Variants in CDK5RAP2 observed in about 807,000 individuals in gnomAD.
The protein encoded by CDK5RAP2 is CDK5 regulatory subunit associated protein 2.
CDK5RAP2 carries 147 observed loss-of-function variants against 232.9 expected under a neutral mutation model. The observed-to-expected ratio is 0.63, with a 90% CI of 0.55 to 0.72. The LOEUF (loss-of-function observed/expected upper bound fraction) is 0.72. Ranked by LOEUF, CDK5RAP2 falls within the 30% of genes least tolerant of loss-of-function variation. CDK5RAP2 has a pLI of 0.00. For synonymous variants in CDK5RAP2, 833 were observed against 833.7 expected, an observed-to-expected ratio of 1.00 and a Z score of 0.01; for missense variants, 2,195 against 2,231.5, an observed-to-expected ratio of 0.98 and a Z score of 0.33.
rs779130160 is a variant in CDK5RAP2 at position 120,467,874 on chromosome 9, T to C, written c.2092A>G (p.Thr698Ala). ...GNGFPDRLAS[T>A]EQTELLASKE... ...ATGTTTCTTACCTCTGTTTGTTCTG[T>C]AGACGCAAGTCTATCTGGAAACCCA... Residue 698 changes from threonine to alanine, a missense_variant, in exon 18 of 38, where the codon ACA becomes GCA. Transcript: ENST00000349780. 1 of 1,614,176 alleles carries C rather than the reference T, an allele frequency of 6.2e-7. No individual in the cohort carries two copies.
intron 32 of CDK5RAP2, among the ~76,000 whole-genome samples, chr9:120,405,818 T>C (rs901893524): frequency 1.3e-5 from 2 of 152,214 alleles, no homozygotes; most frequent in African/African-American, 4.8e-5. Context: ...TGACTGAGAA[T>C]AGCCTGCAAA....
At chr9:120,390,129 G>A in intron 36 of CDK5RAP2, 1 of 303,758 alleles carries the variant, frequency 3.3e-6, no homozygotes, top group Admixed American at 3.9e-5. Flanking sequence ...ACTTCTGTGG[G>A]CCAGGGAGGG....
At chr9:120,469,614 A>G (rs572576089) in intron 17 of CDK5RAP2, among the ~76,000 whole-genome samples, 1 of 152,346 alleles carries the variant, frequency 6.6e-6, no homozygotes, top group South Asian at 2.1e-4. Context: ...CCAGTTTAAA[A>G]AAAGATTTAT....
At chr9:120,567,501 A>T (rs1475996905) in intron 3 of CDK5RAP2, among the ~76,000 whole-genome samples, 3 of 152,204 alleles carry the variant, frequency 2.0e-5, no homozygotes, top group Non-Finnish European at 4.4e-5. Flanking sequence ...AGAAGGGTCT[A>T]ATTCTTCCCA....
intron 5 of CDK5RAP2, among the ~76,000 whole-genome samples, chr9:120,544,563 G>C (rs2041763501): frequency 6.6e-6 from 1 of 152,230 alleles, no homozygotes; most frequent in Non-Finnish European, 1.5e-5. Flanking sequence ...TGGCAATGAA[G>C]GGAATTATAC....
At position 120,403,280 on chromosome 9, in the gene CDK5RAP2, T is replaced by C; in HGVS notation, c.5042-209A>G. The C allele has an allele frequency of 1.8e-6, 1 of 569,030 alleles. No individual in the cohort carries two copies. Among genetic ancestry groups the C allele is most frequent in the Non-Finnish European group, 3.1e-6 (1 of 317,760 alleles). The allele number at this position is 569,030 out of a possible 1,614,324, so 35.2% of individuals were successfully genotyped here. ...TTATGAGTCATCTTGTAGGAGAGGC[T>C]CAAGTCAACTCAACCAACACTTATC... On this transcript the variant is annotated intron_variant, in intron 33 of 37. Transcript: ENST00000349780. This position sits in a 1 kb window ranked among gnomAD's most constrained non-coding sequence, Gnocchi z 4.2.
intron 3 of CDK5RAP2, among the ~76,000 whole-genome samples, chr9:120,560,455 T>C (rs192837993): frequency 2.7e-4 from 41 of 152,336 alleles, no homozygotes; most frequent in Admixed American, 1.2e-3. Context: ...TGACCAGGAA[T>C]GGTCTGTGCT....
chr9:120,523,825 T>C (rs1341868488), intron 11 of CDK5RAP2, among the ~76,000 whole-genome samples: 2 of 152,050 alleles, frequency 1.3e-5, no homozygotes, highest in South Asian at 2.1e-4. Context: ...ATAAGAAACA[T>C]GTTAAAATAA....
intron 25 of CDK5RAP2, among the ~76,000 whole-genome samples, chr9:120,429,508 A>C (rs947180984): frequency 1.2e-3 from 181 of 152,354 alleles, no homozygotes; most frequent in African/African-American, 4.3e-3. Flanking sequence ...TCCCATTCAC[A>C]ACTGCTTCAA....
chr9:120,568,190 T>C (rs1175403402), intron 3 of CDK5RAP2, 131 bp downstream of exon 3: 2 of 773,806 alleles, frequency 2.6e-6, no homozygotes, highest in South Asian at 1.4e-5. Flanking sequence ...AAGATGTCCA[T>C]GAGACATGGC....
At chr9:120,399,745 T>C (rs1554727010) in intron 35 of CDK5RAP2, among the ~76,000 whole-genome samples, 1 of 152,194 alleles carries the variant, frequency 6.6e-6, no homozygotes, top group Non-Finnish European at 1.5e-5. Flanking sequence ...TCCCACCTGA[T>C]ACTGCCACCA....
chr9:120,448,003 C>CCTGCAGCTCCAAGATCTGGCT lies in CDK5RAP2; in HGVS notation c.2896_2916dup (p.Ser966_Gln972dup). 1 of 1,614,142 alleles carries CCTGCAGCTCCAAGATCTGGCT rather than the reference C, an allele frequency of 6.2e-7. No homozygotes were observed. Among genetic ancestry groups the CCTGCAGCTCCAAGATCTGGCT allele is most frequent in the Non-Finnish European group, 8.5e-7 (1 of 1,179,996 alleles). Reference sequence around the variant, plus strand: ...CAAGTTTTAAACTCCTTCAGCTCCCCCTGCAGCTCCAAGATCTGGCTCTGC... The same window carrying CCTGCAGCTCCAAGATCTGGCT: ...CAAGTTTTAAACTCCTTCAGCTCCCCCTGCAGCTCCAAGATCTGGCTCTGCAGCTCCAAGATCTGGCTCTGC... On this transcript the variant is annotated inframe_insertion, in exon 22 of 38. Coordinates refer to ENST00000349780, the MANE Select transcript of CDK5RAP2 (RefSeq NM_018249.6).
intron 32 of CDK5RAP2, among the ~76,000 whole-genome samples, chr9:120,405,846 A>G (rs774419709): frequency 1.3e-5 from 2 of 152,252 alleles, no homozygotes; most frequent in Non-Finnish European, 2.9e-5. Context: ...TAGGAAGCCC[A>G]TGTGAAAGCA....
In CDK5RAP2 at chr9:120,415,048, A is replaced by C. The variant is rs1303633236; in HGVS notation, c.4289T>G (p.Phe1430Cys). Residue 1430 changes from phenylalanine to cysteine, a missense_variant, in exon 28 of 38, where the codon TTT becomes TGT. Phe to Cys is a radical substitution (Grantham distance 205, BLOSUM62 -2). Transcript: ENST00000349780. ...RKQLERQGSE[F>C]VQGSTSIFAS... ...GGAAGGTCTTTCCTTACCTTGAACAAATTCAGATCCTTGCCGTTCCAACTG... is the reference window on the plus strand; with the variant it reads ...GGAAGGTCTTTCCTTACCTTGAACACATTCAGATCCTTGCCGTTCCAACTG... 1.2e-6 allele frequency: 2 copies of C among 1,614,074 alleles called. No homozygotes were observed. The highest frequency in any genetic ancestry group is 4.5e-5 in the East Asian group (2 of 44,898).
Position 120,536,359 on chromosome 9 carries a change from A to T in CDK5RAP2, c.662+13T>A, listed in dbSNP as rs760541711. On this transcript the variant is annotated intron_variant, in intron 7 of 37. Coordinates refer to ENST00000349780, the MANE Select transcript of CDK5RAP2 (RefSeq NM_018249.6). ...AATGTGATGTCAGGGTATGACAGGGACAAGAGCCAGACCTGTCTTTCTCAT... is the reference window on the plus strand; with the variant it reads ...AATGTGATGTCAGGGTATGACAGGGTCAAGAGCCAGACCTGTCTTTCTCAT... 6.2e-7 allele frequency: 1 copy of T among 1,613,816 alleles called. No individual in the cohort carries two copies.
rs145274274 is a variant in CDK5RAP2 at position 120,545,502 on chromosome 9, A to G, written c.383+212T>C. 2.1e-3 allele frequency among the ~76,000 whole-genome samples: 314 copies of G among 152,336 alleles called. 2 individuals carry two copies. The highest frequency in any genetic ancestry group is 7.4e-3 in the African/African-American group (306 of 41,572). ...CAGGTGTGTTTGCTTGTGAACATTCACGCTGTACACTTAAGATCTGTTCAT... is the reference window on the plus strand; with the variant it reads ...CAGGTGTGTTTGCTTGTGAACATTCGCGCTGTACACTTAAGATCTGTTCAT... On this transcript the variant is annotated intron_variant, in intron 5 of 37. Coordinates refer to ENST00000349780, the MANE Select transcript of CDK5RAP2 (RefSeq NM_018249.6).
At chr9:120,436,712 C>T (rs772182582) in intron 25 of CDK5RAP2, among the ~76,000 whole-genome samples, 2 of 152,070 alleles carry the variant, frequency 1.3e-5, no homozygotes, top group African/African-American at 2.4e-5. Context: ...GTGGCAAATG[C>T]TAACAACTGA....
intron 36 of CDK5RAP2, chr9:120,390,410 T>C (rs1644986501): frequency 6.4e-6 from 1 of 155,190 alleles, no homozygotes; most frequent in Admixed American, 6.2e-5. Flanking sequence ...CAAGTCACAT[T>C]CTGCCTGGAC....
At chr9:120,415,220 T>C (rs2034141302) in intron 27 of CDK5RAP2, 61 bp from the exon 28 acceptor site, 11 of 1,585,350 alleles carry the variant, frequency 6.9e-6, no homozygotes, top group South Asian at 1.1e-5. Flanking sequence ...GAATAATTTA[T>C]GGATTATGCA....
Sources: allele counts gnomAD v4.1 joint callset (sites outside exome capture counted in the v4.1 genomes callset), GRCh38; gene constraint gnomAD v4.1.1; non-coding constraint Gnocchi (gnomAD v3.1); transcripts MANE v1.5; gene names NCBI Gene and HGNC (gene_info 2026-07-23, HGNC 2026-07-21).